SGSM1: variants seen among roughly 807,000 people sequenced by gnomAD.
SGSM1 encodes the protein RUN and TBC1 domain containing 2.
In SGSM1, 73 loss-of-function variants were observed where a neutral mutation model predicts 133.8. That is an observed-to-expected ratio of 0.55 (90% confidence interval 0.45 to 0.66). The LOEUF (loss-of-function observed/expected upper bound fraction) is 0.66. Ranked by LOEUF, SGSM1 falls within the 30% of genes least tolerant of loss-of-function variation. The pLI, the probability that SGSM1 is intolerant of heterozygous loss-of-function variation, is 0.00. For synonymous variants in SGSM1, 563 were observed against 573.0 expected (o/e 0.98, Z 0.25); for missense variants, 1,213 against 1,448.1 (o/e 0.84, Z 2.64).
intron 20 of SGSM1, 113 bp downstream of exon 20, chr22:24,902,070 C>A: frequency 9.1e-7 from 1 of 1,104,372 alleles, no homozygotes; most frequent in Non-Finnish European, 1.3e-6. Flanking sequence ...GCATCATACT[C>A]ACCTGGAATC....
At chr22:24,890,651 C>T (rs980699141) in intron 16 of SGSM1, among the ~76,000 whole-genome samples, 1 of 152,162 alleles carries the variant, frequency 6.6e-6, no homozygotes, top group Non-Finnish European at 1.5e-5. Context: ...AGCGATTCTC[C>T]TGCCTCAGCC....
chr22:24,830,364 G>C (rs941295652), intron 2 of SGSM1, among the ~76,000 whole-genome samples: 3 of 152,208 alleles, frequency 2.0e-5, no homozygotes, highest in African/African-American at 7.2e-5. Context: ...GTTGCAGCCA[G>C]CTTCCTGGCT....
chr22:24,806,876 G>C (rs1569126781), intron 2 of SGSM1, among the ~76,000 whole-genome samples: 2 of 152,050 alleles, frequency 1.3e-5, no homozygotes, highest in Non-Finnish European at 2.9e-5. Context: ...TGGAGGAGGG[G>C]CTCTGAATGG....
rs1933949195 is a variant in SGSM1 at position 24,919,958 on chromosome 22, A to G, written c.3158A>G (p.Asn1053Ser). 1 of 1,612,352 alleles carries G rather than the reference A, an allele frequency of 6.2e-7. No homozygotes were observed. The highest frequency in any genetic ancestry group is 8.5e-7 in the Non-Finnish European group (1 of 1,179,264). Residue 1053 changes from asparagine (N) to serine (S), a missense_variant, in exon 24 of 25, where the codon AAC (asparagine) becomes AGC (serine). Coordinates refer to ENST00000400358, the MANE Select transcript of SGSM1 (RefSeq NM_001098497.3). ...EVYRDIILEN[N>S]MDFTDIIKFF... ...TACCGTGACATCATTTTGGAGAACA[A>G]CATGGATTTCACAGACATCATCAAA... is the stretch of plus-strand genomic sequence containing the variant.
chr22:24,830,959 C>T (rs1929087564), intron 2 of SGSM1, among the ~76,000 whole-genome samples: 2 of 152,100 alleles, frequency 1.3e-5, no homozygotes, highest in East Asian at 1.9e-4. Flanking sequence ...GTGATTCCTT[C>T]CCTGAGGCTC....
chr22:24,819,880 C>T (rs774484723), intron 2 of SGSM1, among the ~76,000 whole-genome samples: 6 of 152,158 alleles, frequency 3.9e-5, no homozygotes, highest in Non-Finnish European at 5.9e-5. Flanking sequence ...TTTCCTTTTC[C>T]GTTTTCTGCA....
At chr22:24,922,022 G>T (rs985034145) in intron 24 of SGSM1, among the ~76,000 whole-genome samples, 1 of 151,886 alleles carries the variant, frequency 6.6e-6, no homozygotes, top group Non-Finnish European at 1.5e-5. Flanking sequence ...TATATCTAAA[G>T]AAAATAACAT....
At chr22:24,879,913 G>T (rs888784624) in intron 14 of SGSM1, among the ~76,000 whole-genome samples, 2 of 152,068 alleles carry the variant, frequency 1.3e-5, no homozygotes, top group Non-Finnish European at 2.9e-5. Flanking sequence ...TCCTTCTCTC[G>T]TGGGCAGAAA....
intron 17 of SGSM1, 45 bp from the exon 18 acceptor site, chr22:24,895,178 G>T: frequency 6.4e-7 from 1 of 1,567,886 alleles, no homozygotes; most frequent in Non-Finnish European, 8.7e-7. Context: ...CTCTGGGCCA[G>T]GGTGCAGCCT....
At chr22:24,922,428 C>A (rs1934044911) in intron 24 of SGSM1, among the ~76,000 whole-genome samples, 1 of 150,654 alleles carries the variant, frequency 6.6e-6, no homozygotes, top group Admixed American at 6.6e-5. Context: ...GATCCGCCCA[C>A]CTCGGCCTCC....
At chr22:24,896,642 C>A in intron 18 of SGSM1, among the ~76,000 whole-genome samples, 1 of 136,396 alleles carries the variant, frequency 7.3e-6, no homozygotes, top group African/African-American at 2.9e-5. Context: ...TTTTTTTTTG[C>A]CTTTTCCGTG....
intron 8 of SGSM1, among the ~76,000 whole-genome samples, chr22:24,858,659 A>G (rs1264076938): frequency 6.6e-6 from 1 of 150,520 alleles, no homozygotes. Flanking sequence ...AAAAAAAAGA[A>G]GAAAGACAAT....
In SGSM1 at chr22:24,846,846, G is replaced by T. The variant is rs544393471; in HGVS notation, c.140-788G>T. On this transcript the variant is annotated intron_variant, in intron 3 of 24. Transcript: ENST00000400358. ...TTTTTTTGTTTGTTTGTTTTTTGGG[G>T]TTTTTTTTTTTTGAGACGGAGTCTC... 5.2e-3 allele frequency among the ~76,000 whole-genome samples: 764 copies of T among 145,756 alleles called. 6 individuals carry two copies. Among genetic ancestry groups the T allele is most frequent in the African/African-American group, 0.018 (723 of 40,112 alleles).
At chr22:24,847,864 TGA>T (rs1162191615) in intron 4 of SGSM1, 68 bp downstream of exon 4, 45 of 1,548,640 alleles carry the variant, frequency 2.9e-5, no homozygotes, top group Non-Finnish European at 3.9e-5. Context: ...CCCTGGGTCC[TGA>T]GAGAGCCTGC....
chr22:24,904,969 G>C (rs1933318202), intron 20 of SGSM1, 136 bp from the exon 21 acceptor site: 1 of 746,962 alleles, frequency 1.3e-6, no homozygotes, highest in East Asian at 2.5e-5. Flanking sequence ...GAGAGATCGG[G>C]GATGGAGATG....
intron 12 of SGSM1, among the ~76,000 whole-genome samples, chr22:24,869,856 G>A (rs1248577255): frequency 6.6e-6 from 1 of 152,230 alleles, no homozygotes; most frequent in African/African-American, 2.4e-5. Flanking sequence ...CACCATTGCA[G>A]GGCTATGGTG....
intron 18 of SGSM1, among the ~76,000 whole-genome samples, chr22:24,897,490 G>A (rs532348412): frequency 6.6e-6 from 1 of 152,296 alleles, no homozygotes; most frequent in East Asian, 1.9e-4. Context: ...TTGAGACAGA[G>A]TCTCACTCCC....
chr22:24,906,680 C>T (rs1034017006), intron 21 of SGSM1, among the ~76,000 whole-genome samples: 4 of 152,212 alleles, frequency 2.6e-5, no homozygotes, highest in African/African-American at 9.7e-5. Context: ...TGCCTGTAAT[C>T]CCAGCGTTTC....
chr22:24,859,409 T>C (rs1930994696), intron 8 of SGSM1, among the ~76,000 whole-genome samples: 1 of 152,178 alleles, frequency 6.6e-6, no homozygotes, highest in African/African-American at 2.4e-5. Context: ...GCCTCCTTCC[T>C]GGCTCTGAAG....
Sources: allele counts gnomAD v4.1 joint callset (sites outside exome capture counted in the v4.1 genomes callset), GRCh38; gene constraint gnomAD v4.1.1; transcripts MANE v1.5; gene names NCBI Gene and HGNC (gene_info 2026-07-23, HGNC 2026-07-21).